The following TEAD4 variants were observed in gnomAD, a reference collection of about 807,000 sequenced individuals.
The protein encoded by TEAD4 is transcriptional enhancer factor TEF-3.
A neutral mutation model predicts 52.4 loss-of-function variants in TEAD4; 36 were observed. The ratio of observed to expected loss-of-function variants is 0.69; its 90% confidence interval spans 0.53 to 0.91. TEAD4 has a LOEUF of 0.91. Ranked by LOEUF, TEAD4 falls within the 40% of genes least tolerant of loss-of-function variation. The pLI, the probability that TEAD4 is intolerant of heterozygous loss-of-function variation, is 0.00. For synonymous variants in TEAD4, 220 were observed against 231.0 expected (o/e 0.95, Z 0.43); for missense variants, 508 against 583.9 (o/e 0.87, Z 1.34).
chr12:3,004,019 C>T (rs1201841674), intron 3 of TEAD4, among the ~76,000 whole-genome samples: 2 of 152,256 alleles, frequency 1.3e-5, no homozygotes, highest in Non-Finnish European at 2.9e-5. Context: ...CCCACGCTCC[C>T]TACTCCCTTC....
At chr12:3,022,121 G>A in intron 10 of TEAD4, 104 bp downstream of exon 10, 1 of 1,450,966 alleles carries the variant, frequency 6.9e-7, no homozygotes, top group African/African-American at 1.4e-5. Flanking sequence ...AGAAACTTGG[G>A]GAGGTGGCAC....
chr12:3,002,894 A>G (rs1326579423), intron 3 of TEAD4, among the ~76,000 whole-genome samples: 3 of 152,294 alleles, frequency 2.0e-5, no homozygotes, highest in East Asian at 1.9e-4. Context: ...CTCCAGGGAC[A>G]ATGGTAGGAA....
chr12:3,009,868 C>G (rs2098258871), intron 3 of TEAD4, among the ~76,000 whole-genome samples: 1 of 152,240 alleles, frequency 6.6e-6, no homozygotes, highest in African/African-American at 2.4e-5. Context: ...GTAATTCGGC[C>G]TTGGCATTGG....
chr12:3,002,683 G>GGA, intron 3 of TEAD4, among the ~76,000 whole-genome samples: 1 of 152,342 alleles, frequency 6.6e-6, no homozygotes, highest in Middle Eastern at 3.4e-3. Flanking sequence ...GCACACAGTA[G>GGA]GTGCCAAATG....
chr12:2,994,458 C>T lies in TEAD4; in HGVS notation c.-29-280C>T, dbSNP rs147647285. Among the ~76,000 whole-genome samples, 22 of 152,284 alleles carry T rather than the reference C, an allele frequency of 1.4e-4. No homozygotes were observed. In the East Asian group the frequency reaches 3.7e-3, roughly 25 times the overall value. On this transcript the variant is annotated intron_variant, in intron 2 of 12. Coordinates refer to ENST00000359864, the MANE Select transcript of TEAD4 (RefSeq NM_003213.4). The surrounding 1 kb of genome is among the most constrained non-coding windows in gnomAD (Gnocchi z 4.7). ...GGTCGATTTAATGTCAGTGCATCCCCGGCACTGCATCCTTGTCTCCTACTT... is the reference window on the plus strand; with the variant it reads ...GGTCGATTTAATGTCAGTGCATCCCTGGCACTGCATCCTTGTCTCCTACTT...
chr12:3,022,340 A>C (rs2098269298), intron 10 of TEAD4, among the ~76,000 whole-genome samples: 1 of 152,204 alleles, frequency 6.6e-6, no homozygotes, highest in Admixed American at 6.5e-5. Flanking sequence ...TGCGGGGATA[A>C]GTGAAGACAT....
chr12:2,986,890 G>A lies in TEAD4; in HGVS notation c.-29-7848G>A, dbSNP rs181412371. 1.8e-4 allele frequency among the ~76,000 whole-genome samples: 27 copies of A among 152,258 alleles called. No homozygotes were observed. The East Asian group carries it at 5.0e-3, about 28-fold the overall frequency. On this transcript the variant is annotated intron_variant, in intron 2 of 12. Transcript: ENST00000359864. ...ATGGCTCTGACATCACTAGGCAATAGGAAGTTTTCAGCTCCATTATCATCT... is the reference window on the plus strand; with the variant it reads ...ATGGCTCTGACATCACTAGGCAATAAGAAGTTTTCAGCTCCATTATCATCT...
chr12:2,990,118 T>G (rs2098241829), intron 2 of TEAD4, among the ~76,000 whole-genome samples: 1 of 152,224 alleles, frequency 6.6e-6, no homozygotes, highest in African/African-American at 2.4e-5. Context: ...TATCTAGCTG[T>G]ATCTAAGTTG....
chr12:2,969,419 G>C (rs1215719219), intron 2 of TEAD4, among the ~76,000 whole-genome samples: 1 of 152,154 alleles, frequency 6.6e-6, no homozygotes, highest in Non-Finnish European at 1.5e-5. Context: ...CCTTGGAACC[G>C]ATCACCCACA....
intron 2 of TEAD4, among the ~76,000 whole-genome samples, chr12:2,992,580 T>G (rs1591570944): frequency 1.3e-5 from 2 of 152,180 alleles, no homozygotes; most frequent in Admixed American, 1.3e-4. Context: ...AGGTCCCACT[T>G]CAGAGGATCC....
intron 2 of TEAD4, among the ~76,000 whole-genome samples, chr12:2,992,016 C>CTTTTTTTT: frequency 9.3e-6 from 1 of 107,654 alleles, no homozygotes; most frequent in Non-Finnish European, 1.8e-5. Context: ...GCGGTTCCTG[C>CTTTTTTTT]TTTTTTTTTT....
chr12:3,013,736 A>C (rs996543413), intron 5 of TEAD4, among the ~76,000 whole-genome samples: 6 of 152,030 alleles, frequency 3.9e-5, no homozygotes, highest in Non-Finnish European at 7.4e-5. Context: ...TCCATCTCAA[A>C]AAAAGCCACT....
intron 2 of TEAD4, among the ~76,000 whole-genome samples, chr12:2,989,861 A>G (rs1479097065): frequency 6.6e-6 from 1 of 152,094 alleles, no homozygotes; most frequent in Non-Finnish European, 1.5e-5. Context: ...TGTTCCTTTT[A>G]TTTGAATTTA....
chr12:2,979,169 G>A (rs2098232233), intron 2 of TEAD4, among the ~76,000 whole-genome samples: 2 of 152,148 alleles, frequency 1.3e-5, no homozygotes, highest in South Asian at 4.1e-4. Context: ...GCCTGCCTCG[G>A]CCTCCCAAAG....
At chr12:2,984,118 C>T (rs759393348) in intron 2 of TEAD4, among the ~76,000 whole-genome samples, 1 of 152,040 alleles carries the variant, frequency 6.6e-6, no homozygotes, top group Non-Finnish European at 1.5e-5. Flanking sequence ...ATTTGGATGG[C>T]TGAGTTTGGG....
chr12:3,009,425 C>T (rs551122626), intron 3 of TEAD4, among the ~76,000 whole-genome samples: 11 of 151,700 alleles, frequency 7.3e-5, no homozygotes, highest in Admixed American at 5.3e-4. Flanking sequence ...AGCGAGACTT[C>T]GTCTAAAAAA....
chr12:2,999,286 C>T (rs2098249729), intron 3 of TEAD4, among the ~76,000 whole-genome samples: 1 of 152,150 alleles, frequency 6.6e-6, no homozygotes, highest in Non-Finnish European at 1.5e-5. Context: ...GAGCTCTGGT[C>T]TTTTCTCCCC....
chr12:2,989,758 A>C (rs7971324), intron 2 of TEAD4, among the ~76,000 whole-genome samples: 9,437 of 152,240 alleles, frequency 0.062, 336 homozygotes, highest in Middle Eastern at 0.082. Context: ...ATATCAGTTT[A>C]ATAGTCCTTC....
chr12:2,982,786 A>G (rs565530956), intron 2 of TEAD4, among the ~76,000 whole-genome samples: 7 of 152,174 alleles, frequency 4.6e-5, no homozygotes, highest in South Asian at 2.1e-4. Context: ...ACCCAATCCT[A>G]GGGACATGGA....
Sources: allele counts gnomAD v4.1 joint callset (sites outside exome capture counted in the v4.1 genomes callset), GRCh38; gene constraint gnomAD v4.1.1; non-coding constraint Gnocchi (gnomAD v3.1); transcripts MANE v1.5; gene names NCBI Gene and HGNC (gene_info 2026-07-23, HGNC 2026-07-21).